The following XPNPEP3 variants were observed in gnomAD, a reference collection of about 807,000 sequenced individuals.
XPNPEP3 encodes the protein X-prolyl aminopeptidase 3, also known as xaa-Pro aminopeptidase 3.
In XPNPEP3, 41 loss-of-function variants were observed where a neutral mutation model predicts 60.0. The observed-to-expected ratio is 0.68, with a 90% CI of 0.53 to 0.89. The LOEUF (loss-of-function observed/expected upper bound fraction) is 0.89. Among genes scored for constraint, XPNPEP3 ranks in the 40% least tolerant of loss-of-function variants. XPNPEP3 has a pLI of 0.00. For missense variants in XPNPEP3, 598 were observed against 638.9 expected, an observed-to-expected ratio of 0.94 and a Z score of 0.69; for synonymous variants, 212 against 223.2, an observed-to-expected ratio of 0.95 and a Z score of 0.45.
At chr22:40,922,302 A>G in intron 7 of XPNPEP3, 31 bp from the exon 8 acceptor site, 1 of 1,613,168 alleles carries the variant, frequency 6.2e-7, no homozygotes, top group Non-Finnish European at 8.5e-7. Flanking sequence ...AGATTATCTA[A>G]GTTCAGGTTC....
intron 1 of XPNPEP3, chr22:40,861,193 C>A: frequency 6.2e-7 from 1 of 1,614,056 alleles, no homozygotes; most frequent in South Asian, 1.1e-5. Flanking sequence ...GATATACCTC[C>A]CTCATCATTG....
At chr22:40,899,804 C>T (rs1233177527) in intron 4 of XPNPEP3, among the ~76,000 whole-genome samples, 3 of 129,814 alleles carry the variant, frequency 2.3e-5, no homozygotes, top group East Asian at 2.3e-4. Context: ...GGTGACAGAG[C>T]GAGACTCTAT....
intron 1 of XPNPEP3, among the ~76,000 whole-genome samples, chr22:40,858,188 C>G (rs949730009): frequency 6.6e-6 from 1 of 151,970 alleles, no homozygotes; most frequent in African/African-American, 2.4e-5. Flanking sequence ...CATTTGCAAC[C>G]TCTGCCTCCT....
chr22:40,879,255 C>T (rs73412752), intron 2 of XPNPEP3, among the ~76,000 whole-genome samples: 1 of 152,176 alleles, frequency 6.6e-6, no homozygotes, highest in African/African-American at 2.4e-5. Context: ...CCCGTAAGGC[C>T]TCCACTTATC....
At chr22:40,858,229 C>G (rs2057915764) in intron 1 of XPNPEP3, among the ~76,000 whole-genome samples, 1 of 152,124 alleles carries the variant, frequency 6.6e-6, no homozygotes, top group African/African-American at 2.4e-5. Flanking sequence ...CCTCAGCCTC[C>G]CGAGGTAGCT....
rs764825585 is a variant in XPNPEP3 at position 40,857,234 on chromosome 22, G to C, written c.53G>C (p.Arg18Pro). The change falls in exon 1 of 10, where the codon CGC (arginine) becomes CCC (proline). Residue 18 changes from arginine to proline, a missense_variant. Arg to Pro is a moderately radical substitution (Grantham distance 103, BLOSUM62 -2). Coordinates refer to ENST00000357137, the MANE Select transcript of XPNPEP3 (RefSeq NM_022098.4). Reference protein sequence around the residue: ...PKLVPAVANVRGLSGCMLCSQ... With the variant: ...PKLVPAVANVPGLSGCMLCSQ... ...CTGGTTCCCGCTGTAGCAAACGTCC[G>C]CGGCCTCTCAGGTTAGACTCTTCTC... 1.2e-6 allele frequency: 2 copies of C among 1,614,176 alleles called. No homozygotes were observed. The highest frequency in any genetic ancestry group is 1.7e-6 in the Non-Finnish European group (2 of 1,180,024).
At chr22:40,909,678 T>C (rs1476490275) in intron 6 of XPNPEP3, among the ~76,000 whole-genome samples, 1 of 152,000 alleles carries the variant, frequency 6.6e-6, no homozygotes, top group African/African-American at 2.4e-5. Context: ...GGCAGGAGAA[T>C]TGCTTGAGCC....
chr22:40,886,761 A>G (rs1472802167), intron 4 of XPNPEP3, among the ~76,000 whole-genome samples: 2 of 148,552 alleles, frequency 1.3e-5, no homozygotes, highest in African/African-American at 2.5e-5. Flanking sequence ...CGGGAGGCAG[A>G]GCTTGCAGTG....
intron 4 of XPNPEP3, among the ~76,000 whole-genome samples, chr22:40,906,822 C>T (rs1436449285): frequency 6.6e-6 from 1 of 152,182 alleles, no homozygotes; most frequent in Non-Finnish European, 1.5e-5. Flanking sequence ...CCTCATAGTT[C>T]TGGAGGCTGG....
intron 1 of XPNPEP3, chr22:40,862,104 C>T (rs2057953749): frequency 1.5e-5 from 23 of 1,502,612 alleles, no homozygotes; most frequent in Non-Finnish European, 2.0e-5. Flanking sequence ...AATAGGTACA[C>T]TTTTATGTTA....
intron 1 of XPNPEP3, among the ~76,000 whole-genome samples, chr22:40,866,346 G>A (rs2057978563): frequency 6.6e-6 from 1 of 151,832 alleles, no homozygotes; most frequent in African/African-American, 2.4e-5. Flanking sequence ...AATCATAGGA[G>A]CGTTGGGGAA....
chr22:40,932,636 A>G lies in XPNPEP3; in HGVS notation c.*6201A>G, dbSNP rs9917. The stretch of plus-strand genomic sequence containing the variant: ...TGCGCAAGAATCTGAGAAAACTTCA[A>G]TCTTTACCAGCATTTCTTAATGCTT... On this transcript the variant is annotated 3_prime_UTR_variant, in exon 10 of 10. Coordinates refer to ENST00000357137, the MANE Select transcript of XPNPEP3 (RefSeq NM_022098.4). 2.6e-5 allele frequency: 4 copies of G among 152,144 alleles called. No individual in the cohort carries two copies. The highest frequency in any genetic ancestry group is 4.8e-5 in the African/African-American group (2 of 41,396). The allele number at this position is 152,144 out of a possible 1,614,324, so 9.4% of individuals were successfully genotyped here.
chr22:40,902,351 C>T (rs1206555428), intron 4 of XPNPEP3, among the ~76,000 whole-genome samples: 3 of 151,016 alleles, frequency 2.0e-5, no homozygotes, highest in Admixed American at 6.6e-5. Flanking sequence ...CCCGGGTTCA[C>T]GCCATTCTCC....
Position 40,902,301 on chromosome 22 carries a change from A to G in XPNPEP3, c.793-5286A>G, listed in dbSNP as rs1601511736. Among the ~76,000 whole-genome samples the G allele has an allele frequency of 2.3e-5, 3 of 127,712 alleles. No individual in the cohort carries two copies. The South Asian group carries it at 7.3e-4, about 31-fold the overall frequency. 83.8% of individuals were successfully genotyped at this position (127,712 alleles called of 152,430 possible). A position where few individuals can be genotyped will look rare whatever the true frequency, so the allele number is the denominator to read the frequency against. On this transcript the variant is annotated intron_variant, in intron 4 of 9. Coordinates refer to ENST00000357137, the MANE Select transcript of XPNPEP3 (RefSeq NM_022098.4). ...AGTCTCGCTCTGTCGCCGAGGCTGG[A>G]GTGCAGTGGCGCGATCTTGGCTTAC...
intron 4 of XPNPEP3, among the ~76,000 whole-genome samples, chr22:40,898,541 CCG>C (rs1442086372): frequency 7.5e-6 from 1 of 133,612 alleles, no homozygotes; most frequent in Non-Finnish European, 1.5e-5. Context: ...GCGTGAGCCA[CCG>C]CGCCCGGCCG....
chr22:40,881,221 T>G (rs557366945), intron 2 of XPNPEP3, among the ~76,000 whole-genome samples: 2 of 151,526 alleles, frequency 1.3e-5, no homozygotes, highest in South Asian at 2.1e-4. Context: ...AATTTTTGTG[T>G]TTTTTTTAGT....
chr22:40,915,848 C>T (rs544627776), intron 7 of XPNPEP3, among the ~76,000 whole-genome samples: 7 of 152,260 alleles, frequency 4.6e-5, no homozygotes, highest in East Asian at 1.9e-4. Flanking sequence ...CAGCAAAATA[C>T]GAGCAGCTAG....
intron 1 of XPNPEP3, chr22:40,862,268 A>G: frequency 8.7e-7 from 1 of 1,145,952 alleles, no homozygotes; most frequent in Non-Finnish European, 1.1e-6. Context: ...GAGTCGTACC[A>G]GACCATCCTG....
chr22:40,891,498 C>T (rs983617725), intron 4 of XPNPEP3, among the ~76,000 whole-genome samples: 1 of 149,146 alleles, frequency 6.7e-6, no homozygotes, highest in Non-Finnish European at 1.5e-5. Context: ...ACTAAAAATA[C>T]AAAAATTAGC....
Sources: allele counts gnomAD v4.1 joint callset (sites outside exome capture counted in the v4.1 genomes callset), GRCh38; gene constraint gnomAD v4.1.1; transcripts MANE v1.5; gene names NCBI Gene and HGNC (gene_info 2026-07-23, HGNC 2026-07-21).